Variants in CSMD3 observed in about 807,000 individuals in gnomAD.
CSMD3 encodes the protein CUB and Sushi multiple domains 3.
CSMD3 carries 177 observed loss-of-function variants against 435.2 expected under a neutral mutation model. The observed-to-expected ratio is 0.41, with a 90% CI of 0.36 to 0.46. The LOEUF is 0.46. Among genes scored for constraint, CSMD3 ranks in the 20% least tolerant of loss-of-function variants. The pLI, the probability that CSMD3 is intolerant of heterozygous loss-of-function variation, is 0.34. For synonymous variants in CSMD3, 1,656 were observed against 1,520.5 expected (o/e 1.09, Z -2.07); for missense variants, 4,265 against 4,504.6 (o/e 0.95, Z 1.52).
chr8:112,443,356 G>T (rs1379497263), intron 32 of CSMD3, among the ~76,000 whole-genome samples: 2 of 152,142 alleles, frequency 1.3e-5, no homozygotes, highest in Non-Finnish European at 2.9e-5. Flanking sequence ...GTCCAAATAG[G>T]AAGAAAGAAT....
At chr8:112,733,664 T>G (rs1417854725) in intron 13 of CSMD3, among the ~76,000 whole-genome samples, 1 of 151,988 alleles carries the variant, frequency 6.6e-6, no homozygotes, top group Non-Finnish European at 1.5e-5. Context: ...TTAAACATTG[T>G]ATTTTGAAAG....
At chr8:112,239,227 C>G (rs905081780) in intron 66 of CSMD3, among the ~76,000 whole-genome samples, 3 of 152,062 alleles carry the variant, frequency 2.0e-5, no homozygotes, top group Admixed American at 6.6e-5. Context: ...CTCTCTGAAT[C>G]TGCTGTGATT....
intron 1 of CSMD3, among the ~76,000 whole-genome samples, chr8:113,381,843 A>G (rs1208359213): frequency 2.0e-5 from 3 of 152,178 alleles, no homozygotes; most frequent in South Asian, 2.1e-4. Context: ...CTATGCTACT[A>G]TTTTAAAATA....
chr8:113,366,263 C>T (rs2094310577), intron 1 of CSMD3, among the ~76,000 whole-genome samples: 1 of 151,916 alleles, frequency 6.6e-6, no homozygotes, highest in Non-Finnish European at 1.5e-5. Context: ...CCAAAGAGCC[C>T]TCTGAGGGTT....
intron 5 of CSMD3, among the ~76,000 whole-genome samples, chr8:113,068,206 T>A (rs2088946741): frequency 6.6e-6 from 1 of 152,120 alleles, no homozygotes; most frequent in East Asian, 1.9e-4. Context: ...ATTTAGTGAA[T>A]ACTACTGTGA....
intron 3 of CSMD3, among the ~76,000 whole-genome samples, chr8:113,234,569 G>A (rs2093126829): frequency 6.6e-6 from 1 of 152,112 alleles, no homozygotes; most frequent in South Asian, 2.1e-4. Flanking sequence ...TAGAACACAA[G>A]GAAGAATTCT....
At chr8:113,115,447 CCT>C (rs1221434060) in intron 4 of CSMD3, among the ~76,000 whole-genome samples, 2 of 152,128 alleles carry the variant, frequency 1.3e-5, no homozygotes, top group Non-Finnish European at 2.9e-5. Flanking sequence ...CCAAATACTC[CCT>C]CTCAGTCCTT....
intron 1 of CSMD3, among the ~76,000 whole-genome samples, chr8:113,391,191 A>G (rs1212619372): frequency 6.6e-6 from 1 of 152,002 alleles, no homozygotes; most frequent in Non-Finnish European, 1.5e-5. Flanking sequence ...AAGATTAAGA[A>G]ACTAGGTAGG....
At chr8:113,002,767 C>T (rs1037527201) in intron 6 of CSMD3, among the ~76,000 whole-genome samples, 3 of 152,042 alleles carry the variant, frequency 2.0e-5, no homozygotes, top group Non-Finnish European at 2.9e-5. Flanking sequence ...ACAAACTTTC[C>T]TGTCAACATG....
At chr8:112,597,678 T>C (rs947115280) in intron 22 of CSMD3, among the ~76,000 whole-genome samples, 71 of 133,574 alleles carry the variant, frequency 5.3e-4, no homozygotes, top group African/African-American at 1.9e-3. Context: ...CATGATCAAG[T>C]GGGCTTCATC....
At chr8:113,319,304 G>T (rs945574599) in intron 1 of CSMD3, among the ~76,000 whole-genome samples, 2 of 151,938 alleles carry the variant, frequency 1.3e-5, no homozygotes, top group African/African-American at 4.8e-5. Context: ...TTTCTTTAAA[G>T]ATTAATTATG....
chr8:112,366,953 A>C (rs12682600), intron 38 of CSMD3, among the ~76,000 whole-genome samples: 59,844 of 151,798 alleles, frequency 0.39, 13,266 homozygotes, highest in Middle Eastern at 0.54. Context: ...TTTTAATTCC[A>C]TTTTTAATTC....
At chr8:113,241,632 A>G (rs969167869) in intron 3 of CSMD3, among the ~76,000 whole-genome samples, 1 of 151,974 alleles carries the variant, frequency 6.6e-6, no homozygotes, top group South Asian at 2.1e-4. Context: ...TCTCAGTACA[A>G]AAGACTTAGT....
intron 5 of CSMD3, among the ~76,000 whole-genome samples, chr8:113,082,776 T>G (rs1053726617): frequency 6.6e-6 from 1 of 152,046 alleles, no homozygotes; most frequent in Non-Finnish European, 1.5e-5. Flanking sequence ...AAAACAGATA[T>G]CCTATAGTTG....
chr8:112,450,479 T>G (rs1359031911), intron 32 of CSMD3, among the ~76,000 whole-genome samples: 4 of 152,186 alleles, frequency 2.6e-5, no homozygotes, highest in Admixed American at 6.5e-5. Flanking sequence ...ATGACCTACT[T>G]GGCACATGTA....
intron 2 of CSMD3, among the ~76,000 whole-genome samples, chr8:113,297,137 T>C (rs1273982052): frequency 2.6e-5 from 4 of 152,156 alleles, no homozygotes; most frequent in Non-Finnish European, 4.4e-5. Context: ...AATTGTTTTA[T>C]TAAGTTAATA....
At chr8:112,483,695 T>G (rs1374174972) in intron 31 of CSMD3, among the ~76,000 whole-genome samples, 1 of 152,072 alleles carries the variant, frequency 6.6e-6, no homozygotes, top group Non-Finnish European at 1.5e-5. Flanking sequence ...ATGAGGCTTT[T>G]GTAAGGCCTT....
intron 4 of CSMD3, among the ~76,000 whole-genome samples, chr8:113,102,540 A>G (rs1236746498): frequency 6.6e-6 from 1 of 152,140 alleles, no homozygotes; most frequent in African/African-American, 2.4e-5. Context: ...GTCAGGTCCT[A>G]TGAAGAAGGA....
chr8:112,273,484 G>A (rs1198773408), intron 59 of CSMD3, among the ~76,000 whole-genome samples: 1 of 152,042 alleles, frequency 6.6e-6, no homozygotes, highest in Non-Finnish European at 1.5e-5. Context: ...CCAGCACTTT[G>A]GGAGGCCGAG....
Sources: gnomAD v4.1 joint callset for allele counts (sites outside exome capture counted in the v4.1 genomes callset) on GRCh38, gnomAD v4.1.1 for gene constraint, MANE v1.5 for transcripts, NCBI Gene and HGNC (gene_info 2026-07-23, HGNC 2026-07-21) for gene names.